Variants in PCDHA11 observed in about 807,000 individuals in gnomAD.
PCDHA11 encodes protocadherin alpha-11.
In PCDHA11, 61 loss-of-function variants were observed where a neutral mutation model predicts 70.3. The observed-to-expected ratio is 0.87, with a 90% CI of 0.71 to 1.07. The LOEUF is 1.07. Among genes scored for constraint, PCDHA11 ranks in the 50% least tolerant of loss-of-function variants. The probability of loss-of-function intolerance (pLI) is 0.00; values close to 1 mark genes in which losing one functional copy is unlikely to be tolerated. For synonymous variants in PCDHA11, 633 were observed against 555.1 expected, an observed-to-expected ratio of 1.14 and a Z score of -1.97; for missense variants, 1,324 against 1,237.5, an observed-to-expected ratio of 1.07 and a Z score of -1.05.
In PCDHA11 at chr5:140,870,801, G is replaced by T. The variant is rs1210285882; in HGVS notation, c.1698G>T (p.Ala566=). 3.7e-6 allele frequency: 6 copies of T among 1,613,670 alleles called. No homozygotes were observed. Among genetic ancestry groups the T allele is most frequent in the Non-Finnish European group, 5.1e-6 (6 of 1,179,892 alleles). ...ACGACAACGCGCCGGCACTGCTGGC[G>T]ACTCAGGCTGGCAGCGCGGGAGGCG... ...DENDNAPALL[A]TQAGSAGGAV... is the part of the protein sequence containing the mutation. Residue 566 remains alanine (A), a synonymous_variant, in exon 1 of 4, where the codon GCG becomes GCT. Transcript: ENST00000398640.
At chr5:140,881,143 A>G (rs1554171794) in intron 1 of PCDHA11, among the ~76,000 whole-genome samples, 1 of 152,228 alleles carries the variant, frequency 6.6e-6, no homozygotes, top group Non-Finnish European at 1.5e-5. Flanking sequence ...AGTTATAACA[A>G]TAGATAAAAG....
chr5:140,994,417 T>C (rs1401833924), intron 3 of PCDHA11, among the ~76,000 whole-genome samples: 1 of 152,078 alleles, frequency 6.6e-6, no homozygotes, highest in East Asian at 1.9e-4. Context: ...ATACTGGATA[T>C]TGAGGCCGGG....
intron 1 of PCDHA11, chr5:140,884,024 G>A: frequency 6.2e-7 from 1 of 1,613,318 alleles, no homozygotes; most frequent in Non-Finnish European, 8.5e-7. Flanking sequence ...GCGGTCGGTG[G>A]GTGCAGGCCA....
At chr5:140,991,422 T>G (rs140209692) in intron 3 of PCDHA11, among the ~76,000 whole-genome samples, 7 of 152,330 alleles carry the variant, frequency 4.6e-5, no homozygotes, top group Admixed American at 1.3e-4. Context: ...TATAACAAAT[T>G]AACCATAAAC....
chr5:140,961,515 C>T (rs2095619049), intron 1 of PCDHA11, among the ~76,000 whole-genome samples: 1 of 152,092 alleles, frequency 6.6e-6, no homozygotes, highest in Admixed American at 6.5e-5. Flanking sequence ...TTTAATGTCT[C>T]CACAAATTCT....
At chr5:140,876,478 G>T in intron 1 of PCDHA11, 1 of 1,614,032 alleles carries the variant, frequency 6.2e-7, no homozygotes, top group Non-Finnish European at 8.5e-7. Flanking sequence ...TCACAGCATG[G>T]TCCTGGTGGA....
chr5:140,896,560 A>G (rs1583236503), intron 1 of PCDHA11, among the ~76,000 whole-genome samples: 2 of 150,934 alleles, frequency 1.3e-5, no homozygotes, highest in African/African-American at 4.9e-5. Flanking sequence ...TATTTTAAGT[A>G]GAGATGGGGT....
At chr5:140,948,269 A>G (rs1339240276) in intron 1 of PCDHA11, among the ~76,000 whole-genome samples, 1 of 151,602 alleles carries the variant, frequency 6.6e-6, no homozygotes, top group Non-Finnish European at 1.5e-5. Flanking sequence ...GTTCATGTAG[A>G]ATATCTGTAA....
At chr5:140,928,977 T>C in intron 1 of PCDHA11, 1 of 1,613,888 alleles carries the variant, frequency 6.2e-7, no homozygotes, top group Non-Finnish European at 8.5e-7. Context: ...CCTTTTTATT[T>C]CTGGGGTGCT....
At chr5:140,901,952 C>T (rs1427349795) in intron 1 of PCDHA11, among the ~76,000 whole-genome samples, 6 of 151,888 alleles carry the variant, frequency 4.0e-5, no homozygotes, top group Non-Finnish European at 8.8e-5. Context: ...TAGTTTTATT[C>T]GTGGCTATCG....
rs991131905 is a variant in PCDHA11, at chr5:140,870,593, G to C, written c.1490G>C (p.Arg497Pro). Reference sequence around the variant, plus strand: ...GTGTCCTACTCGCTGGTGGAGCGGCGGTTGGGCGACCGCGCGCTGTCGAGC... The same window carrying C: ...GTGTCCTACTCGCTGGTGGAGCGGCCGTTGGGCGACCGCGCGCTGTCGAGC... ...ALVSYSLVER[R>P]LGDRALSSYV... Residue 497 changes from arginine to proline, a missense_variant, in exon 1 of 4, where the codon CGG becomes CCG. Transcript: ENST00000398640. 1.2e-6 allele frequency: 2 copies of C among 1,613,454 alleles called. No homozygotes were observed. Among genetic ancestry groups the C allele is most frequent in the Admixed American group, 3.3e-5 (2 of 59,988 alleles).
At chr5:140,875,760 C>T (rs781811926) in intron 1 of PCDHA11, 8 of 1,614,080 alleles carry the variant, frequency 5.0e-6, no homozygotes, top group Non-Finnish European at 5.9e-6. Context: ...AGAAGCTGTG[C>T]GGGCGGAGCG....
chr5:140,970,026 T>A (rs2153783055), intron 1 of PCDHA11, among the ~76,000 whole-genome samples: 1 of 152,304 alleles, frequency 6.6e-6, no homozygotes, highest in Non-Finnish European at 1.5e-5. Context: ...GGCAGAGAGA[T>A]TAAGTACCAA....
intron 1 of PCDHA11, chr5:140,968,772 C>T (rs782257554): frequency 1.2e-6 from 2 of 1,614,180 alleles, no homozygotes; most frequent in South Asian, 1.1e-5. Context: ...GGAGAGCCAT[C>T]ACTATCAGCC....
In PCDHA11 at chr5:140,870,427, G is replaced by C; in HGVS notation, c.1324G>C (p.Val442Leu). The C allele has an allele frequency of 6.2e-7, 1 of 1,614,220 alleles. No homozygotes were observed. Among genetic ancestry groups the C allele is most frequent in the Non-Finnish European group, 8.5e-7 (1 of 1,180,050 alleles). The change falls in exon 1 of 4, where the codon GTG becomes CTG. Residue 442 changes from valine (V) to leucine (L), a missense_variant. Transcript: ENST00000398640. ...TCTGTGGGCCACGGCCAGGGTATCCGTGGAGGTGGCCGACGTGAACGACAA... is the reference window on the plus strand; with the variant it reads ...TCTGTGGGCCACGGCCAGGGTATCCCTGGAGGTGGCCGACGTGAACGACAA... ...PSLWATARVS[V>L]EVADVNDNAP... is the part of the protein sequence containing the mutation.
At chr5:140,877,091 C>G (rs782722834) in intron 1 of PCDHA11, 2 of 1,613,252 alleles carry the variant, frequency 1.2e-6, no homozygotes, top group African/African-American at 1.3e-5. Flanking sequence ...GCGCGCGACG[C>G]CGGCGTGCCG....
rs562257406 is a variant in PCDHA11 at position 140,883,263 on chromosome 5, G to A, written c.2391+11769G>A. 5.0e-6 allele frequency: 8 copies of A among 1,613,870 alleles called. No individual in the cohort carries two copies. The Admixed American group carries it at 6.7e-5, about 13-fold the overall frequency. ...GACAAAGGAAATATTCCAATGGCGG[G>A]TCATTGTACCCTTTTGGTGGAAGTA... On this transcript the variant is annotated intron_variant, in intron 1 of 3. Transcript: ENST00000398640.
Position 141,009,969 on chromosome 5 carries a change from GT to G in PCDHA11, c.*37del, listed in dbSNP as rs2098415622. On this transcript the variant is annotated 3_prime_UTR_variant, in exon 4 of 4. Coordinates refer to ENST00000398640, the MANE Select transcript of PCDHA11 (RefSeq NM_018902.5). ...CAAATGGAAACAAGCCACTTAGCCA[GT>G]TTTTGTAATAATGGCAAATCTCTCC... 6.3e-7 allele frequency: 1 copy of G among 1,586,478 alleles called. No homozygotes were observed. The highest frequency in any genetic ancestry group is 1.8e-5 in the Admixed American group (1 of 54,174).
chr5:140,878,662 C>T (rs1479409326), intron 1 of PCDHA11, among the ~76,000 whole-genome samples: 1 of 152,194 alleles, frequency 6.6e-6, no homozygotes, highest in African/African-American at 2.4e-5. Flanking sequence ...CCAGAGGCTT[C>T]TCTTTAACCA....
Sources: gnomAD v4.1 joint callset for allele counts (sites outside exome capture counted in the v4.1 genomes callset) on GRCh38, gnomAD v4.1.1 for gene constraint, MANE v1.5 for transcripts, NCBI Gene and HGNC (gene_info 2026-07-23, HGNC 2026-07-21) for gene names.